The following PPP2R2C variants were observed in gnomAD, a reference collection of about 807,000 sequenced individuals.
PPP2R2C encodes protein phosphatase 2, regulatory subunit B, gamma.
PPP2R2C carries 10 observed loss-of-function variants against 45.3 expected under a neutral mutation model. The observed-to-expected ratio is 0.22, with a 90% CI of 0.14 to 0.37. PPP2R2C has a LOEUF of 0.37. Ranked by LOEUF, PPP2R2C falls within the 10% of genes least tolerant of loss-of-function variation. The probability of loss-of-function intolerance (pLI) is 1.00; values close to 1 mark genes in which losing one functional copy is unlikely to be tolerated. For synonymous variants in PPP2R2C, 257 were observed against 245.4 expected (o/e 1.05, Z -0.44); for missense variants, 308 against 619.7 (o/e 0.50, Z 5.34).
chr4:6,354,364 G>T (rs1354629477), intron 5 of PPP2R2C, among the ~76,000 whole-genome samples: 3 of 152,064 alleles, frequency 2.0e-5, no homozygotes, highest in African/African-American at 7.2e-5. Context: ...CCTAGTCTCT[G>T]CCTGAACACC....
intron 1 of PPP2R2C, among the ~76,000 whole-genome samples, chr4:6,414,515 CCAA>C (rs1478626385): frequency 3.9e-5 from 6 of 152,012 alleles, no homozygotes; most frequent in African/African-American, 2.4e-5. Flanking sequence ...GCTACAGGCA[CCAA>C]CAACAACTGG....
chr4:6,548,286 A>G (rs1420646600), intron 1 of PPP2R2C, among the ~76,000 whole-genome samples: 4 of 152,140 alleles, frequency 2.6e-5, no homozygotes, highest in African/African-American at 9.7e-5. Context: ...TAGGATGGCT[A>G]ACACTCAGCC....
chr4:6,327,259 A>G (rs2109155219), intron 8 of PPP2R2C, among the ~76,000 whole-genome samples: 1 of 152,348 alleles, frequency 6.6e-6, no homozygotes, highest in South Asian at 2.1e-4. Context: ...GGCAGAGCAG[A>G]GCCAGCTGTG....
rs150114196 is a variant in PPP2R2C at position 6,547,416 on chromosome 4, C to T, written c.-58-12039G>A. ...GCTAACCAAGGAAATAGCAGATTCT[C>T]GCCCTCGACCTCACTGGTCACCCTG... On this transcript the variant is annotated intron_variant, in intron 1 of 9. Coordinates refer to the PPP2R2C transcript ENST00000506140. Among the ~76,000 whole-genome samples the T allele has an allele frequency of 1.0e-3, 158 of 152,010 alleles. 1 individual carries two copies. Among genetic ancestry groups the T allele is most frequent in the South Asian group, 4.6e-3 (22 of 4,790 alleles).
At chr4:6,412,179 T>A (rs1343326241) in intron 1 of PPP2R2C, among the ~76,000 whole-genome samples, 1 of 152,210 alleles carries the variant, frequency 6.6e-6, no homozygotes, top group African/African-American at 2.4e-5. Flanking sequence ...GATGGCATCA[T>A]AATAGTTTAA....
Position 6,501,951 on chromosome 4 carries a change from C to A in PPP2R2C, c.49+33320G>T, listed in dbSNP as rs1723070781. Among the ~76,000 whole-genome samples, 6 of 152,218 alleles carry A rather than the reference C, an allele frequency of 3.9e-5. No homozygotes were observed. The South Asian group carries it at 1.0e-3, about 26-fold the overall frequency. On this transcript the variant is annotated intron_variant, in intron 2 of 9. Coordinates refer to the PPP2R2C transcript ENST00000506140. ...AGGTGCTTAGAAAGCATTTGCTGAA[C>A]AAATAAATGAAGAATTGGAGATGGA...
At chr4:6,371,870 C>G (rs1180041925) in intron 5 of PPP2R2C, among the ~76,000 whole-genome samples, 2 of 152,216 alleles carry the variant, frequency 1.3e-5, no homozygotes, top group Non-Finnish European at 2.9e-5. Context: ...AGTGACATCA[C>G]AGCAACCTGC....
chr4:6,350,811 C>T, intron 5 of PPP2R2C: 1 of 985,356 alleles, frequency 1.0e-6, no homozygotes, highest in Non-Finnish European at 1.2e-6. Context: ...TGACACTGTT[C>T]CCTCCGCAAT....
chr4:6,549,596 C>T (rs1725112733), intron 1 of PPP2R2C, among the ~76,000 whole-genome samples: 1 of 152,216 alleles, frequency 6.6e-6, no homozygotes, highest in Non-Finnish European at 1.5e-5. Context: ...CCTTCCTGCT[C>T]CTGTAGAGTG....
At chr4:6,496,539 G>A (rs1357899991) in intron 2 of PPP2R2C, among the ~76,000 whole-genome samples, 1 of 152,180 alleles carries the variant, frequency 6.6e-6, no homozygotes, top group Non-Finnish European at 1.5e-5. Context: ...TGGAATCATG[G>A]ATATTCCCTA....
intron 1 of PPP2R2C, among the ~76,000 whole-genome samples, chr4:6,389,208 C>T (rs1007402981): frequency 5.3e-5 from 8 of 152,162 alleles, no homozygotes; most frequent in African/African-American, 9.7e-5. Context: ...GAAATTCAAA[C>T]GATTCTGTGG....
chr4:6,409,117 T>C (rs1448763429), intron 1 of PPP2R2C, among the ~76,000 whole-genome samples: 2 of 152,114 alleles, frequency 1.3e-5, no homozygotes, highest in African/African-American at 2.4e-5. Flanking sequence ...GCACCCAGCA[T>C]TGTGCAGCAC....
chr4:6,327,608 G>A (rs1290019439), intron 8 of PPP2R2C, among the ~76,000 whole-genome samples: 2 of 152,232 alleles, frequency 1.3e-5, no homozygotes, highest in African/African-American at 4.8e-5. Flanking sequence ...CACTGCACCA[G>A]GGAACCCCAA....
chr4:6,499,731 T>C (rs1387542781), intron 2 of PPP2R2C, among the ~76,000 whole-genome samples: 1 of 151,576 alleles, frequency 6.6e-6, no homozygotes, highest in Non-Finnish European at 1.5e-5. Flanking sequence ...TTTATCTTAC[T>C]GTTCTGAATA....
At chr4:6,495,501 G>C (rs545961246) in intron 2 of PPP2R2C, among the ~76,000 whole-genome samples, 2 of 152,306 alleles carry the variant, frequency 1.3e-5, no homozygotes, top group South Asian at 2.1e-4. Flanking sequence ...GTCCCTGCCC[G>C]CCCCCACACT....
rs1721972464 is a variant in PPP2R2C at position 6,472,594 on chromosome 4, A to T, written c.-365T>A. 2 of 145,976 alleles carry T rather than the reference A, an allele frequency of 1.4e-5. No homozygotes were observed. The highest frequency in any genetic ancestry group is 4.9e-5 in the African/African-American group (2 of 40,642). 9.0% of individuals were successfully genotyped at this position (145,976 alleles called of 1,614,324 possible). Reference sequence around the variant, plus strand: ...CGCGCGGCGCTGCGCTGCGCCGACCAAGCCGGGGCCGAGCCGGGCTGCGCG... The same window carrying T: ...CGCGCGGCGCTGCGCTGCGCCGACCTAGCCGGGGCCGAGCCGGGCTGCGCG... On this transcript the variant is annotated 5_prime_UTR_variant, in exon 1 of 9. Transcript: ENST00000382599.
At chr4:6,554,048 A>G (rs899639170) in intron 1 of PPP2R2C, among the ~76,000 whole-genome samples, 9 of 152,216 alleles carry the variant, frequency 5.9e-5, no homozygotes, top group African/African-American at 1.9e-4. Context: ...TCAAGGGGTT[A>G]TCAGGGGGTG....
At position 6,472,378 on chromosome 4, in the gene PPP2R2C, G is replaced by C. The variant is rs1721951647; in HGVS notation, c.-149C>G. On this transcript the variant is annotated 5_prime_UTR_variant, in exon 1 of 9. Transcript: ENST00000382599. ...CCGAAGGGAGGGCATCGCGGCAGGGGGACGGGCGGGGGCGGCCGGGGGCGG... is the reference window on the plus strand; with the variant it reads ...CCGAAGGGAGGGCATCGCGGCAGGGCGACGGGCGGGGGCGGCCGGGGGCGG... The C allele has an allele frequency of 3.9e-6, 4 of 1,038,838 alleles. No homozygotes were observed. The highest frequency in any genetic ancestry group is 4.6e-6 in the Non-Finnish European group (4 of 862,220). The allele number at this position is 1,038,838 out of a possible 1,614,324, so 64.4% of individuals were successfully genotyped here.
intron 1 of PPP2R2C, among the ~76,000 whole-genome samples, chr4:6,444,922 C>T (rs1038866628): frequency 6.6e-6 from 1 of 152,202 alleles, no homozygotes; most frequent in African/African-American, 2.4e-5. Context: ...CAGTGGCTCA[C>T]GCCTATAATC....
Sources: allele counts gnomAD v4.1 joint callset (sites outside exome capture counted in the v4.1 genomes callset), GRCh38; gene constraint gnomAD v4.1.1; transcripts MANE v1.5; gene names NCBI Gene and HGNC (gene_info 2026-07-23, HGNC 2026-07-21).